DNAH11: variants seen among roughly 807,000 people sequenced by gnomAD.
The protein encoded by DNAH11 is dynein axonemal heavy chain 11.
DNAH11 carries 442 observed loss-of-function variants against 526.0 expected under a neutral mutation model. The ratio of observed to expected loss-of-function variants is 0.84; its 90% confidence interval spans 0.78 to 0.91. DNAH11 has a LOEUF of 0.91. DNAH11 is among the 40% of genes least tolerant of loss of function. The probability of loss-of-function intolerance (pLI) is 0.00; values close to 1 mark genes in which losing one functional copy is unlikely to be tolerated. For missense variants in DNAH11, 6,989 were observed against 5,448.7 expected (o/e 1.28, Z -8.90); for synonymous variants, 2,461 against 1,935.9 (o/e 1.27, Z -7.12).
chr7:21,588,271 C>T (rs1784543160), intron 10 of DNAH11, 70 bp downstream of exon 10: 1 of 1,513,616 alleles, frequency 6.6e-7, no homozygotes. Context: ...AACTAGAACT[C>T]TATGTGATTA....
chr7:21,660,353 A>G (rs1019013139), intron 30 of DNAH11, among the ~76,000 whole-genome samples: 1 of 151,922 alleles, frequency 6.6e-6, no homozygotes, highest in African/African-American at 2.4e-5. Flanking sequence ...CTCAATCACT[A>G]CTCAAACTTA....
intron 61 of DNAH11, 40 bp downstream of exon 61, chr7:21,789,382 T>C: frequency 7.0e-7 from 1 of 1,428,774 alleles, no homozygotes; most frequent in Middle Eastern, 1.8e-4. Flanking sequence ...TCCCAAGAGG[T>C]GGTCGCTGCC....
At chr7:21,854,728 A>G (rs1357848181) in intron 68 of DNAH11, among the ~76,000 whole-genome samples, 1 of 150,816 alleles carries the variant, frequency 6.6e-6, no homozygotes. Flanking sequence ...TTTTTAGTAG[A>G]GACAGGGTTT....
At chr7:21,578,694 GC>G (rs771566524) in intron 8 of DNAH11, among the ~76,000 whole-genome samples, 17 of 152,186 alleles carry the variant, frequency 1.1e-4, no homozygotes, top group Non-Finnish European at 2.2e-4. Flanking sequence ...ACTGACTTCT[GC>G]CTAGACATCC....
Position 21,748,686 on chromosome 7 carries a change from G to A in DNAH11, c.8617G>A (p.Gly2873Ser). The A allele has an allele frequency of 6.2e-7, 1 of 1,613,592 alleles. No individual in the cohort carries two copies. Residue 2873 changes from glycine to serine, a missense_variant, in exon 52 of 82, where the codon GGC (glycine) becomes AGC (serine). Transcript: ENST00000409508. ...GTCCAGGCTGGCAGCTTACCTTCGT[G>A]GCCTTGAGGTCTTTCAGATCACTCT... is the stretch of plus-strand genomic sequence containing the variant. ...SLSRLAAYLR[G>S]LEVFQITLTE...
intron 30 of DNAH11, among the ~76,000 whole-genome samples, chr7:21,667,144 A>G (rs1234349661): frequency 2.0e-5 from 3 of 152,146 alleles, no homozygotes; most frequent in Admixed American, 2.0e-4. Context: ...GATTAAATCT[A>G]GAAGAAATGG....
intron 2 of DNAH11, among the ~76,000 whole-genome samples, chr7:21,549,301 G>C (rs1289410810): frequency 6.6e-6 from 1 of 152,194 alleles, no homozygotes; most frequent in Non-Finnish European, 1.5e-5. Context: ...TGTGCCTGAA[G>C]TTGTTCCACA....
At position 21,837,347 on chromosome 7, in the gene DNAH11, T is replaced by G. The variant is rs551390657; in HGVS notation, c.10692-5197T>G. ...TGGAGTCAACCTATCAACAGTTGAA[T>G]GCGTAATGAAAGTATGGTATATATA... On this transcript the variant is annotated intron_variant, in intron 65 of 81. Transcript: ENST00000409508. Among the ~76,000 whole-genome samples the G allele has an allele frequency of 2.0e-5, 3 of 152,270 alleles. No individual in the cohort carries two copies. The South Asian group carries it at 6.2e-4, about 32-fold the overall frequency.
At chr7:21,709,961 A>C (rs1256924532) in intron 40 of DNAH11, among the ~76,000 whole-genome samples, 1 of 152,188 alleles carries the variant, frequency 6.6e-6, no homozygotes, top group Non-Finnish European at 1.5e-5. Flanking sequence ...TAAATATGTC[A>C]CATCAAATAC....
intron 36 of DNAH11, 147 bp from the exon 37 acceptor site, chr7:21,702,563 T>G: frequency 1.5e-6 from 1 of 666,700 alleles, no homozygotes; most frequent in Non-Finnish European, 2.5e-6. Context: ...TTTCACAGTT[T>G]CAAAGAGCAG....
At chr7:21,609,946 A>C (rs1785449738) in intron 20 of DNAH11, among the ~76,000 whole-genome samples, 1 of 152,140 alleles carries the variant, frequency 6.6e-6, no homozygotes, top group South Asian at 2.1e-4. Flanking sequence ...ACTAATGCTC[A>C]GAGTAGGGTG....
chr7:21,861,982 GAGA>G lies in DNAH11; in HGVS notation c.11335_11337del (p.Lys3779del). 1.2e-6 allele frequency: 2 copies of G among 1,613,598 alleles called. No homozygotes were observed. The highest frequency in any genetic ancestry group is 8.5e-7 in the Non-Finnish European group (1 of 1,179,712). ...CCTCTACACCAGCCAGGCGCTGTTTGAGAAGGACAAGCTCACCTTCCTGTCCCA... is the reference window on the plus strand; with the variant it reads ...CCTCTACACCAGCCAGGCGCTGTTTGAGGACAAGCTCACCTTCCTGTCCCA... On this transcript the variant is annotated inframe_deletion, in exon 69 of 82. Coordinates refer to ENST00000409508, the MANE Select transcript of DNAH11 (RefSeq NM_001277115.2).
chr7:21,674,237 G>A (rs1367601487), intron 30 of DNAH11, among the ~76,000 whole-genome samples: 2 of 151,946 alleles, frequency 1.3e-5, no homozygotes, highest in South Asian at 2.1e-4. Flanking sequence ...TGTATTTTTA[G>A]TACAGACGAG....
chr7:21,543,620 C>T (rs1204828439), intron 1 of DNAH11, 24 bp downstream of exon 1: 2 of 1,562,158 alleles, frequency 1.3e-6, no homozygotes, highest in East Asian at 2.4e-5. Context: ...GGCAAGGGGA[C>T]CTGCCCATCC....
At chr7:21,836,924 A>G (rs1338909244) in intron 65 of DNAH11, among the ~76,000 whole-genome samples, 1 of 152,172 alleles carries the variant, frequency 6.6e-6, no homozygotes, top group Non-Finnish European at 1.5e-5. Flanking sequence ...TGTGATTCTA[A>G]AACAGGCAAA....
chr7:21,558,228 T>C (rs1397501925), intron 2 of DNAH11, among the ~76,000 whole-genome samples: 1 of 152,204 alleles, frequency 6.6e-6, no homozygotes, highest in South Asian at 2.1e-4. Flanking sequence ...CATTCTCTTA[T>C]TAATTACATA....
chr7:21,731,618 G>A (rs970710687), intron 45 of DNAH11, among the ~76,000 whole-genome samples: 11 of 152,208 alleles, frequency 7.2e-5, no homozygotes, highest in African/African-American at 2.7e-4. Context: ...AACCTGTACA[G>A]TAGTCCCTCA....
At chr7:21,576,875 C>T (rs1380035884) in intron 8 of DNAH11, among the ~76,000 whole-genome samples, 1 of 151,980 alleles carries the variant, frequency 6.6e-6, no homozygotes, top group Non-Finnish European at 1.5e-5. Flanking sequence ...GTTTTCTGGG[C>T]AGGCAGAAAG....
chr7:21,842,566 G>A lies in DNAH11; in HGVS notation c.10714G>A (p.Glu3572Lys), dbSNP rs1562578594. The part of the protein sequence containing the change: ...KGKYIRIGDK[E>K]CEFNKNFRLI... Reference sequence around the variant, plus strand: ...TAGGTATATCAGGATTGGAGATAAAGAATGTGAATTTAACAAGAACTTTCG... The same window carrying A: ...TAGGTATATCAGGATTGGAGATAAAAAATGTGAATTTAACAAGAACTTTCG... Residue 3572 changes from glutamate to lysine, a missense_variant, in exon 66 of 82, where the codon GAA (glutamate) becomes AAA (lysine). Glu to Lys is a moderately conservative substitution (Grantham distance 56). Coordinates refer to ENST00000409508, the MANE Select transcript of DNAH11 (RefSeq NM_001277115.2). 6.2e-7 allele frequency: 1 copy of A among 1,613,886 alleles called. No homozygotes were observed. Among genetic ancestry groups the A allele is most frequent in the Non-Finnish European group, 8.5e-7 (1 of 1,179,822 alleles).
Sources: gnomAD v4.1 joint callset for allele counts (sites outside exome capture counted in the v4.1 genomes callset) on GRCh38, gnomAD v4.1.1 for gene constraint, MANE v1.5 for transcripts, NCBI Gene and HGNC (gene_info 2026-07-23, HGNC 2026-07-21) for gene names.